The following LRTM1 variants were observed in gnomAD, a reference collection of about 807,000 sequenced individuals.
The protein encoded by LRTM1 is leucine rich repeat transmembrane protein 1, also known as leucine-rich repeat and transmembrane domain-containing protein 1.
A neutral mutation model predicts 32.4 loss-of-function variants in LRTM1; 38 were observed. The ratio of observed to expected loss-of-function variants is 1.17; its 90% confidence interval spans 0.91 to 1.54. The LOEUF (loss-of-function observed/expected upper bound fraction) is 1.54, where lower values mean the gene tolerates loss of function less well. Ranked by LOEUF, LRTM1 falls within the 40% of genes most tolerant of loss-of-function variation. LRTM1 has a pLI of 0.00. For missense variants in LRTM1, 466 were observed against 415.4 expected (o/e 1.12, Z -1.06); for synonymous variants, 186 against 169.9 (o/e 1.09, Z -0.74).
At chr3:54,923,369 A>C in intron 2 of LRTM1, among the ~76,000 whole-genome samples, 1 of 151,596 alleles carries the variant, frequency 6.6e-6, no homozygotes, top group African/African-American at 2.4e-5. Flanking sequence ...TGCGTTCACT[A>C]TTCCTTCCCC....
At chr3:54,940,535 C>T (rs1359092687) in intron 1 of LRTM1, among the ~76,000 whole-genome samples, 4 of 152,142 alleles carry the variant, frequency 2.6e-5, no homozygotes, top group Non-Finnish European at 5.9e-5. Flanking sequence ...ACTCTGACAC[C>T]AGTCCGTAAA....
At chr3:54,931,658 A>T (rs1701194799), upstream of LRTM1, among the ~76,000 whole-genome samples, 1 of 152,224 alleles carries the variant, frequency 6.6e-6, no homozygotes, top group African/African-American at 2.4e-5. Context: ...ATGCACCCGT[A>T]GAGTAAAATT....
chr3:54,932,677 T>C (rs1701219687), upstream of LRTM1, among the ~76,000 whole-genome samples: 1 of 152,170 alleles, frequency 6.6e-6, no homozygotes, highest in Non-Finnish European at 1.5e-5. Context: ...GGTCTCTACG[T>C]GTGATGAGCC....
chr3:54,955,545 A>G (rs1011117729), intron 1 of LRTM1, among the ~76,000 whole-genome samples: 1 of 152,204 alleles, frequency 6.6e-6, no homozygotes, highest in Non-Finnish European at 1.5e-5. Flanking sequence ...AGGAGAAACA[A>G]TACTAAGCTA....
In LRTM1 at chr3:54,918,559, T is replaced by C; in HGVS notation, c.938A>G (p.Tyr313Cys). Residue 313 changes from tyrosine (Y) to cysteine (C), a missense_variant, in exon 3 of 3, where the codon TAT (tyrosine) becomes TGT (cysteine). Transcript: ENST00000273286. ...MLAAAIYGCTYAAITAQYHGG... is the reference protein window; with the variant it reads ...MLAAAIYGCTCAAITAQYHGG... ...ATGGTACTGGGCTGTGATTGCCGCA[T>C]AGGTGCAGCCATAGATGGCAGCTGC... 2 of 1,614,062 alleles carry C rather than the reference T, an allele frequency of 1.2e-6. No individual in the cohort carries two copies. Among genetic ancestry groups the C allele is most frequent in the Non-Finnish European group, 8.5e-7 (1 of 1,179,994 alleles).
intron 1 of LRTM1, among the ~76,000 whole-genome samples, chr3:54,963,684 G>C (rs940342017): frequency 6.6e-6 from 1 of 152,106 alleles, no homozygotes; most frequent in Non-Finnish European, 1.5e-5. Context: ...CCCTGCATTC[G>C]TTTCTGTCAG....
intron 1 of LRTM1, among the ~76,000 whole-genome samples, chr3:54,937,337 C>G (rs1015008140): frequency 8.5e-5 from 13 of 152,174 alleles, no homozygotes; most frequent in African/African-American, 3.1e-4. Flanking sequence ...GACAGAAATT[C>G]ATTATACCAC....
At chr3:54,954,312 T>C (rs3796234) in intron 1 of LRTM1, among the ~76,000 whole-genome samples, 26,413 of 152,190 alleles carry the variant, frequency 0.17, 3,059 homozygotes, top group African/African-American at 0.33. Flanking sequence ...ACTTCCCCAC[T>C]GAGTTGTCTG....
At chr3:54,956,585 G>A (rs574028626) in intron 1 of LRTM1, among the ~76,000 whole-genome samples, 2 of 152,194 alleles carry the variant, frequency 1.3e-5, no homozygotes, top group African/African-American at 2.4e-5. Flanking sequence ...TCTTCAACTG[G>A]TCTTAGGCTG....
chr3:54,931,422 T>C (rs1575386134), upstream of LRTM1, among the ~76,000 whole-genome samples: 1 of 152,214 alleles, frequency 6.6e-6, no homozygotes, highest in East Asian at 1.9e-4. Context: ...GGGTGTGTGA[T>C]ATGCATGCTA....
intron 1 of LRTM1, among the ~76,000 whole-genome samples, chr3:54,940,993 C>T (rs1701451992): frequency 6.6e-6 from 1 of 152,080 alleles, no homozygotes; most frequent in Non-Finnish European, 1.5e-5. Context: ...GATTTAAAAC[C>T]AGTTAACACA....
At chr3:54,952,601 G>A (rs1212967245) in intron 1 of LRTM1, among the ~76,000 whole-genome samples, 1 of 152,212 alleles carries the variant, frequency 6.6e-6, no homozygotes, top group African/African-American at 2.4e-5. Flanking sequence ...AGTAATTTTA[G>A]GTGAGTCCCT....
Position 54,924,668 on chromosome 3 carries a change from A to G in LRTM1, c.555T>C (p.Asn185=), listed in dbSNP as rs773474384. The G allele has an allele frequency of 4.3e-6, 7 of 1,614,134 alleles. No individual in the cohort carries two copies. In the South Asian group the frequency reaches 4.4e-5, roughly 10 times the overall value. Residue 185 remains asparagine (N), a synonymous_variant, in exon 2 of 3, where the codon AAT becomes AAC. Coordinates refer to ENST00000273286, the MANE Select transcript of LRTM1 (RefSeq NM_020678.4). Reference sequence around the variant, plus strand: ...AGAGTTTAAGACCGAGCAAGTGGCAATTGCATTTCCAGAGGTTGTCCTTGA... The same window carrying G: ...AGAGTTTAAGACCGAGCAAGTGGCAGTTGCATTTCCAGAGGTTGTCCTTGA... ...LLLKDNLWKC[N]CHLLGLKLWL... is the part of the protein sequence containing the mutation.
In LRTM1 at chr3:54,924,298, G is replaced by C. The variant is rs113090518; in HGVS notation, c.604+321C>G. Among the ~76,000 whole-genome samples, 566 of 152,326 alleles carry C rather than the reference G, an allele frequency of 3.7e-3. 2 individuals are homozygous for C. The highest frequency in any genetic ancestry group is 0.013 in the African/African-American group (550 of 41,580). On this transcript the variant is annotated intron_variant, in intron 2 of 2. Transcript: ENST00000273286. ...TAATAAGAGGTTGGTGTTATTTGGG[G>C]TTGAGCAGTTATTCAGGTGGTGATT...
chr3:54,963,581 C>T (rs997230518), intron 1 of LRTM1, among the ~76,000 whole-genome samples: 1 of 152,184 alleles, frequency 6.6e-6, no homozygotes, highest in Non-Finnish European at 1.5e-5. Context: ...AGCACAGGAT[C>T]AGAGCATTCA....
chr3:54,942,505 C>T (rs1701498578), intron 1 of LRTM1, among the ~76,000 whole-genome samples: 1 of 152,194 alleles, frequency 6.6e-6, no homozygotes, highest in Non-Finnish European at 1.5e-5. Flanking sequence ...CTTAATGCAT[C>T]TCTATTTCTA....
rs1379862105 is a variant in LRTM1, at chr3:54,924,829, T to C, written c.394A>G (p.Asn132Asp). Reference sequence around the variant, plus strand: ...GATGTGGGAAGGTGGCTTATGTTGTTTGATGACAAATCAAGCTCCCTCAGC... The same window carrying C: ...GATGTGGGAAGGTGGCTTATGTTGTCTGATGACAAATCAAGCTCCCTCAGC... ...PQLRELDLSSNNISHLPTSLG... is the reference protein window; with the variant it reads ...PQLRELDLSSDNISHLPTSLG... Residue 132 changes from asparagine (N) to aspartate (D), a missense_variant, in exon 2 of 3, where the codon AAC becomes GAC. Coordinates refer to ENST00000273286, the MANE Select transcript of LRTM1 (RefSeq NM_020678.4). 1.9e-6 allele frequency: 3 copies of C among 1,614,020 alleles called. No individual in the cohort carries two copies. Among genetic ancestry groups the C allele is most frequent in the Non-Finnish European group, 2.5e-6 (3 of 1,179,936 alleles).
intron 1 of LRTM1, among the ~76,000 whole-genome samples, chr3:54,938,570 G>A (rs1285957122): frequency 1.3e-5 from 2 of 152,082 alleles, no homozygotes; most frequent in Non-Finnish European, 2.9e-5. Flanking sequence ...TTGCTGAAGG[G>A]AGAATTTGAA....
chr3:54,925,855 G>A (rs1488064935), intron 1 of LRTM1, among the ~76,000 whole-genome samples: 1 of 152,208 alleles, frequency 6.6e-6, no homozygotes, highest in East Asian at 1.9e-4. Flanking sequence ...CTAAAGCGCT[G>A]CTACGTATTG....
Sources: gnomAD v4.1 joint callset for allele counts (sites outside exome capture counted in the v4.1 genomes callset) on GRCh38, gnomAD v4.1.1 for gene constraint, MANE v1.5 for transcripts, NCBI Gene and HGNC (gene_info 2026-07-23, HGNC 2026-07-21) for gene names.